TNRC6B: variants seen among roughly 807,000 people sequenced by gnomAD.
TNRC6B encodes the protein trinucleotide repeat containing adaptor 6B, also known as trinucleotide repeat-containing gene 6B protein.
A neutral mutation model predicts 203.6 loss-of-function variants in TNRC6B; 52 were observed. The observed-to-expected ratio is 0.26, with a 90% CI of 0.20 to 0.32. The LOEUF (loss-of-function observed/expected upper bound fraction) is 0.32, where lower values mean the gene tolerates loss of function less well. TNRC6B is among the 10% of genes least tolerant of loss of function. TNRC6B has a pLI of 1.00. For missense variants in TNRC6B, 1,923 were observed against 2,286.2 expected (o/e 0.84, Z 3.24); for synonymous variants, 838 against 845.7 (o/e 0.99, Z 0.16).
chr22:40,075,156 A>ATATATATATATATATATATATATATTTT, intron 1 of TNRC6B, among the ~76,000 whole-genome samples: 2 of 35,556 alleles, frequency 5.6e-5, no homozygotes, highest in African/African-American at 2.1e-4. Context: ...ATATATATAT[A>ATATATATATATATATATATATATATTTT]TTTTTTTTTT....
chr22:40,074,850 C>T lies in TNRC6B; in HGVS notation c.-121+29852C>T, dbSNP rs1037444781. Among the ~76,000 whole-genome samples, 6 of 151,556 alleles carry T rather than the reference C, an allele frequency of 4.0e-5. No homozygotes were observed. In the East Asian group the frequency reaches 7.7e-4, roughly 20 times the overall value. ...GTGTGTGCCTGTATTTCCAGCTACTCGGGAGGCTTAGGTGGGAGGATTGCT... is the reference window on the plus strand; with the variant it reads ...GTGTGTGCCTGTATTTCCAGCTACTTGGGAGGCTTAGGTGGGAGGATTGCT... On this transcript the variant is annotated intron_variant, in intron 1 of 23. Transcript: ENST00000301923.
At chr22:40,177,453 A>C (rs2069074038), upstream of TNRC6B, among the ~76,000 whole-genome samples, 2 of 152,144 alleles carry the variant, frequency 1.3e-5, no homozygotes, top group African/African-American at 4.8e-5. Flanking sequence ...CGTTTCTTTC[A>C]GTCTTTTTCT....
At chr22:40,234,262 A>G (rs2069919049) in intron 1 of TNRC6B, among the ~76,000 whole-genome samples, 1 of 152,220 alleles carries the variant, frequency 6.6e-6, no homozygotes, top group Non-Finnish European at 1.5e-5. Flanking sequence ...TTCCTGCGTG[A>G]TAGAGCAAGA....
intron 4 of TNRC6B, among the ~76,000 whole-genome samples, chr22:40,167,730 A>G (rs111980780): frequency 6.5e-5 from 8 of 124,008 alleles, no homozygotes; most frequent in South Asian, 5.4e-4. Context: ...AAAAAAAAAA[A>G]GCTGGCCATG....
chr22:40,109,148 G>A (rs568371856), intron 1 of TNRC6B, among the ~76,000 whole-genome samples: 11 of 152,288 alleles, frequency 7.2e-5, no homozygotes. Flanking sequence ...ATTCCATGAT[G>A]TATATGTACC....
chr22:40,088,964 T>C (rs2068124729), intron 1 of TNRC6B, among the ~76,000 whole-genome samples: 1 of 152,080 alleles, frequency 6.6e-6, no homozygotes, highest in South Asian at 2.1e-4. Context: ...GTATATGCCC[T>C]GAGAGTGAAA....
intron 3 of TNRC6B, among the ~76,000 whole-genome samples, chr22:40,256,476 A>G (rs1287956045): frequency 1.3e-5 from 2 of 152,196 alleles, no homozygotes; most frequent in Non-Finnish European, 2.9e-5. Flanking sequence ...TGTACTGCCC[A>G]TGAGCTAAGA....
chr22:40,106,915 G>T, intron 1 of TNRC6B: 1 of 998,728 alleles, frequency 1.0e-6, no homozygotes, highest in Non-Finnish European at 1.6e-6. Context: ...CTTTTTCATG[G>T]ATAAACTTCC....
chr22:40,270,313 C>CTT (rs372710238), intron 6 of TNRC6B, 33 bp downstream of exon 6: 1,064 of 1,216,608 alleles, frequency 8.7e-4, no homozygotes, highest in Middle Eastern at 1.5e-3. Flanking sequence ...TTGAGGGATC[C>CTT]TTTTTTTTTT....
chr22:40,098,403 A>AAAC (rs2068203261), intron 1 of TNRC6B, among the ~76,000 whole-genome samples: 2 of 150,898 alleles, frequency 1.3e-5, no homozygotes, highest in Admixed American at 6.6e-5. Context: ...AAAAAAAAAA[A>AAAC]AAAAAAGGGA....
In TNRC6B at chr22:40,329,420, G is replaced by A. The variant is rs1329573880; in HGVS notation, c.*6179G>A. ...GTATTTTCAGAAATGGTCCCTATTT[G>A]TCAGTGATAGTGTTTTTTTTTTCTT... On this transcript the variant is annotated 3_prime_UTR_variant, in exon 23 of 23. Coordinates refer to ENST00000454349, the MANE Select transcript of TNRC6B (RefSeq NM_001162501.2). 1 of 152,070 alleles carries A rather than the reference G, an allele frequency of 6.6e-6. No homozygotes were observed. Among genetic ancestry groups the A allele is most frequent in the African/African-American group, 2.4e-5 (1 of 41,376 alleles). The allele number at this position is 152,070 out of a possible 1,614,324, so 9.4% of individuals were successfully genotyped here.
At chr22:40,177,917 C>T, upstream of TNRC6B, 1 of 1,339,068 alleles carries the variant, frequency 7.5e-7, no homozygotes, top group Non-Finnish European at 9.5e-7. Flanking sequence ...CAAAAAGCTG[C>T]TTCCTTTAGA....
At chr22:40,080,493 A>G (rs1230020323) in intron 1 of TNRC6B, among the ~76,000 whole-genome samples, 1 of 152,128 alleles carries the variant, frequency 6.6e-6, no homozygotes, top group African/African-American at 2.4e-5. Flanking sequence ...CTGCTATTTA[A>G]ACACAACATT....
chr22:40,320,791 CTGTG>C (rs1397363848), intron 21 of TNRC6B, among the ~76,000 whole-genome samples: 1 of 152,180 alleles, frequency 6.6e-6, no homozygotes, highest in Non-Finnish European at 1.5e-5. Context: ...CTTTTCTTGT[CTGTG>C]TCTTTCTCTT....
Position 40,125,838 on chromosome 22 carries a change from A to G in TNRC6B, c.21A>G (p.Glu7=), listed in dbSNP as rs752637114. ...TTCCCATGCAAACCAATGAGGGAGA[A>G]GTATCGGAAGAAAGCAGTTCCAAGG... The change falls in exon 3 of 24, where the codon GAA becomes GAG. Residue 7 remains glutamate, a synonymous_variant. Coordinates refer to the TNRC6B transcript ENST00000301923. 18 of 1,612,512 alleles carry G rather than the reference A, an allele frequency of 1.1e-5. No homozygotes were observed. In the East Asian group the frequency reaches 3.8e-4, roughly 34 times the overall value.
At chr22:40,118,553 T>A (rs1345933549) in intron 2 of TNRC6B, among the ~76,000 whole-genome samples, 2 of 152,358 alleles carry the variant, frequency 1.3e-5, no homozygotes, top group Non-Finnish European at 1.5e-5. Flanking sequence ...AGTAAATGTT[T>A]ATTGAATTGA....
chr22:40,281,034 A>G, intron 10 of TNRC6B, 85 bp from the exon 11 acceptor site: 1 of 1,141,396 alleles, frequency 8.8e-7, no homozygotes, highest in South Asian at 1.7e-5. Context: ...GTTTATTGCT[A>G]GTGTTTCTCT....
In TNRC6B at chr22:40,270,299, ATTTTTGAGGGATCC is replaced by A; in HGVS notation, c.2965+25_2965+38del. On this transcript the variant is annotated intron_variant, in intron 6 of 22. Transcript: ENST00000454349. ...AAGCCTAGTAAGTGTGAAGCTTTTC[ATTTTTGAGGGATCC>A]TTTTTTTTTTTTTTTTTTAATTGAG... The A allele has an allele frequency of 7.6e-7, 1 of 1,316,276 alleles. No homozygotes were observed. Among genetic ancestry groups the A allele is most frequent in the Non-Finnish European group, 9.7e-7 (1 of 1,027,818 alleles). 81.5% of individuals were successfully genotyped at this position (1,316,276 alleles called of 1,614,324 possible).
chr22:40,318,283 C>T (rs1040098789), intron 21 of TNRC6B, among the ~76,000 whole-genome samples: 1 of 152,180 alleles, frequency 6.6e-6, no homozygotes, highest in African/African-American at 2.4e-5. Context: ...CACGGTGGCT[C>T]ACACCTGTAA....
Sources: gnomAD v4.1 joint callset for allele counts (sites outside exome capture counted in the v4.1 genomes callset) on GRCh38, gnomAD v4.1.1 for gene constraint, MANE v1.5 for transcripts, NCBI Gene and HGNC (gene_info 2026-07-23, HGNC 2026-07-21) for gene names.